VWC2L: variants seen among roughly 807,000 people sequenced by gnomAD.
VWC2L encodes von Willebrand factor C domain-containing protein 2-like.
In VWC2L, 10 loss-of-function variants were observed where a neutral mutation model predicts 21.6. That is an observed-to-expected ratio of 0.46 (90% CI 0.29 to 0.78). The LOEUF is 0.78. VWC2L is among the 30% of genes least tolerant of loss of function. VWC2L has a pLI of 0.10. For missense variants in VWC2L, 209 were observed against 277.1 expected (o/e 0.75, Z 1.74); for synonymous variants, 96 against 94.3 (o/e 1.02, Z -0.10).
intron 3 of VWC2L, among the ~76,000 whole-genome samples, chr2:214,521,854 G>C (rs1199739928): frequency 6.6e-6 from 1 of 152,208 alleles, no homozygotes; most frequent in Non-Finnish European, 1.5e-5. Context: ...AAAAAGTAGC[G>C]ACATTAGGGA....
At chr2:214,571,491 A>G (rs368284256) in intron 3 of VWC2L, among the ~76,000 whole-genome samples, 3 of 152,208 alleles carry the variant, frequency 2.0e-5, no homozygotes, top group East Asian at 3.9e-4. Context: ...TATATTTAAT[A>G]CTAACACTAG....
At chr2:214,478,022 A>G (rs1559302716) in intron 3 of VWC2L, among the ~76,000 whole-genome samples, 2 of 152,210 alleles carry the variant, frequency 1.3e-5, no homozygotes, top group Non-Finnish European at 2.9e-5. Flanking sequence ...GCCTTTGGGC[A>G]CTTTAAGTCA....
At chr2:214,478,468 C>CAA (rs778016834) in intron 3 of VWC2L, among the ~76,000 whole-genome samples, 4 of 115,932 alleles carry the variant, frequency 3.5e-5, no homozygotes, top group Admixed American at 9.0e-5. Flanking sequence ...AACTCCATCT[C>CAA]AAAAAAAAAA....
chr2:214,497,418 T>G (rs1473205806), intron 3 of VWC2L, among the ~76,000 whole-genome samples: 1 of 152,232 alleles, frequency 6.6e-6, no homozygotes, highest in Non-Finnish European at 1.5e-5. Context: ...TTCAACTGTT[T>G]TCTTAACTCC....
At chr2:214,528,383 A>G (rs1338248358) in intron 3 of VWC2L, among the ~76,000 whole-genome samples, 1 of 152,184 alleles carries the variant, frequency 6.6e-6, no homozygotes, top group Non-Finnish European at 1.5e-5. Flanking sequence ...ACAGTGACTT[A>G]TACTTATTGG....
At chr2:214,431,179 ATGAAGTG>A (rs1702596987) in intron 2 of VWC2L, among the ~76,000 whole-genome samples, 2 of 152,230 alleles carry the variant, frequency 1.3e-5, no homozygotes, top group Non-Finnish European at 2.9e-5. Context: ...GTATATTTTA[ATGAAGTG>A]AACAGTGAGA....
chr2:214,441,276 T>A (rs1702759869), intron 3 of VWC2L, among the ~76,000 whole-genome samples: 1 of 152,100 alleles, frequency 6.6e-6, no homozygotes, highest in Non-Finnish European at 1.5e-5. Context: ...AATAAAATTG[T>A]TAATATATCT....
At chr2:214,453,824 G>A (rs1026252161) in intron 3 of VWC2L, among the ~76,000 whole-genome samples, 4 of 150,896 alleles carry the variant, frequency 2.7e-5, no homozygotes, top group African/African-American at 4.9e-5. Context: ...AGGTTCAAGC[G>A]CTTCTCCTGT....
At chr2:214,524,160 T>C (rs1689289910) in intron 3 of VWC2L, among the ~76,000 whole-genome samples, 1 of 152,182 alleles carries the variant, frequency 6.6e-6, no homozygotes, top group Non-Finnish European at 1.5e-5. Context: ...AATATGTACT[T>C]TGCTACCTAA....
intron 3 of VWC2L, among the ~76,000 whole-genome samples, chr2:214,456,984 T>C (rs1703068029): frequency 6.6e-6 from 1 of 152,130 alleles, no homozygotes; most frequent in South Asian, 2.1e-4. Context: ...AACTTTTTAA[T>C]TTATTTTGAA....
At chr2:214,504,403 T>C (rs1688938632) in intron 3 of VWC2L, among the ~76,000 whole-genome samples, 1 of 152,214 alleles carries the variant, frequency 6.6e-6, no homozygotes, top group African/African-American at 2.4e-5. Context: ...TCACTAGTGA[T>C]AGAGGGCATG....
chr2:214,468,610 A>T (rs887117076), intron 3 of VWC2L, among the ~76,000 whole-genome samples: 4 of 152,176 alleles, frequency 2.6e-5, no homozygotes, highest in African/African-American at 7.2e-5. Context: ...GAAAAATTAT[A>T]TTGCAAGAAC....
At chr2:214,498,481 A>C (rs1397914221) in intron 3 of VWC2L, among the ~76,000 whole-genome samples, 1 of 152,016 alleles carries the variant, frequency 6.6e-6, no homozygotes, top group Non-Finnish European at 1.5e-5. Context: ...TGAATCCTCA[A>C]TATTTCTTTT....
rs140274528 is a variant in VWC2L at position 214,468,734 on chromosome 2, A to T, written c.520+31976A>T. ...GAAGAGAATGGGTACCCAGAGATGCAGACAATCAAAGGAAGACTCAGAGGA... is the reference window on the plus strand; with the variant it reads ...GAAGAGAATGGGTACCCAGAGATGCTGACAATCAAAGGAAGACTCAGAGGA... On this transcript the variant is annotated intron_variant, in intron 3 of 3. Transcript: ENST00000312504. Among the ~76,000 whole-genome samples the T allele has an allele frequency of 1.5e-3, 234 of 152,300 alleles. 3 individuals carry two copies. In the East Asian group the frequency reaches 0.03, roughly 19 times the overall value.
intron 3 of VWC2L, among the ~76,000 whole-genome samples, chr2:214,474,513 G>A (rs1301596614): frequency 6.6e-6 from 1 of 152,166 alleles, no homozygotes; most frequent in Non-Finnish European, 1.5e-5. Flanking sequence ...AGAGAAATAT[G>A]ACAACATTTG....
intron 3 of VWC2L, among the ~76,000 whole-genome samples, chr2:214,498,334 G>A (rs1362185187): frequency 6.6e-6 from 1 of 152,108 alleles, no homozygotes; most frequent in Admixed American, 6.5e-5. Context: ...ACCATCCAGA[G>A]GGGAAAGACA....
At chr2:214,558,521 C>G (rs193118085) in intron 3 of VWC2L, among the ~76,000 whole-genome samples, 204 of 152,300 alleles carry the variant, frequency 1.3e-3, no homozygotes, top group Non-Finnish European at 2.3e-3. Flanking sequence ...CATGTTCTAC[C>G]TTATTCCACA....
chr2:214,433,522 A>G (rs1702634254), intron 2 of VWC2L, among the ~76,000 whole-genome samples: 3 of 152,142 alleles, frequency 2.0e-5, no homozygotes, highest in African/African-American at 4.8e-5. Context: ...CTTTGGTTTT[A>G]CAGGGACATT....
rs181608023 is a variant in VWC2L, at chr2:214,529,318, G to T, written c.521-46354G>T. Among the ~76,000 whole-genome samples, 5 of 152,230 alleles carry T rather than the reference G, an allele frequency of 3.3e-5. No homozygotes were observed. The East Asian group carries it at 9.7e-4, about 29-fold the overall frequency. The stretch of plus-strand genomic sequence containing the variant: ...CCAAAATCACAAATTGGGCAGTTGG[G>T]AACTCAACCATGGGTGCCCTGACTC... On this transcript the variant is annotated intron_variant, in intron 3 of 3. Coordinates refer to ENST00000312504, the MANE Select transcript of VWC2L (RefSeq NM_001080500.4).
Sources: allele counts gnomAD v4.1 joint callset (sites outside exome capture counted in the v4.1 genomes callset), GRCh38; gene constraint gnomAD v4.1.1; transcripts MANE v1.5; gene names NCBI Gene and HGNC (gene_info 2026-07-23, HGNC 2026-07-21).